Variants in QTGAL observed in about 807,000 individuals in gnomAD.
QTGAL encodes BGnT-like protein 1.
At chr17:83,024,250 C>A in the QTGAL span, among the ~76,000 whole-genome samples, 2 of 152,170 alleles carry the variant, frequency 1.3e-5, no homozygotes, top group African/African-American at 4.8e-5. Flanking sequence ...CCGGCCACAG[C>A]TCCTGGCCAG....
the QTGAL span, chr17:83,051,747 T>G: frequency 6.7e-7 from 1 of 1,497,320 alleles, no homozygotes; most frequent in Non-Finnish European, 8.8e-7. Flanking sequence ...CACGTGGGCC[T>G]GCATGGCCTG....
the QTGAL span, among the ~76,000 whole-genome samples, chr17:83,028,522 C>CA: frequency 0.067 from 3,432 of 51,576 alleles, 189 homozygotes; most frequent in African/African-American, 0.2. Flanking sequence ...GACTCCATCT[C>CA]AAAAAAAAAA....
the QTGAL span, among the ~76,000 whole-genome samples, chr17:83,043,082 G>A: frequency 2.8e-3 from 428 of 152,202 alleles, no homozygotes; most frequent in South Asian, 0.011. Context: ...CGTAACAGTC[G>A]GAGATTCAAC....
At chr17:82,983,181 G>A in the QTGAL span, among the ~76,000 whole-genome samples, 2 of 152,194 alleles carry the variant, frequency 1.3e-5, no homozygotes, top group Admixed American at 6.5e-5. Flanking sequence ...TCGGGAGGCT[G>A]GGGCAGGAGA....
chr17:82,954,621 GA>G, the QTGAL span, among the ~76,000 whole-genome samples: 3 of 152,120 alleles, frequency 2.0e-5, no homozygotes, highest in Non-Finnish European at 4.4e-5. Flanking sequence ...CACAGAACCA[GA>G]AAAAACTACT....
the QTGAL span, among the ~76,000 whole-genome samples, chr17:83,010,547 G>C: frequency 1.3e-5 from 2 of 152,264 alleles, no homozygotes; most frequent in Non-Finnish European, 2.9e-5. Flanking sequence ...TCACAGGGCT[G>C]GGGGCCGTGG....
the QTGAL span, among the ~76,000 whole-genome samples, chr17:82,975,163 G>A: frequency 1.0e-3 from 41 of 39,542 alleles, no homozygotes; most frequent in African/African-American, 5.7e-3. Flanking sequence ...TATGGGGAAC[G>A]AGGGCCCCGG....
At chr17:82,978,999 G>A in the QTGAL span, among the ~76,000 whole-genome samples, 3 of 152,162 alleles carry the variant, frequency 2.0e-5, no homozygotes, top group Non-Finnish European at 2.9e-5. The surrounding 1 kb of genome is among the most constrained non-coding windows in gnomAD (Gnocchi z 4.8). Flanking sequence ...GGAAGTTGCT[G>A]GCTCTACATG....
chr17:82,958,372 G>C, the QTGAL span, among the ~76,000 whole-genome samples: 1 of 152,250 alleles, frequency 6.6e-6, no homozygotes, highest in Non-Finnish European at 1.5e-5. Flanking sequence ...TGTCAAGGGA[G>C]CTGTGTCCGT....
At chr17:83,043,189 C>T in the QTGAL span, among the ~76,000 whole-genome samples, 5 of 152,170 alleles carry the variant, frequency 3.3e-5, no homozygotes, top group African/African-American at 1.2e-4. Flanking sequence ...CAGAAATATA[C>T]AGAATACTCC....
the QTGAL span, among the ~76,000 whole-genome samples, chr17:82,968,571 T>TGTGCACG: frequency 3.3e-5 from 5 of 152,188 alleles, no homozygotes; most frequent in Non-Finnish European, 7.4e-5. Flanking sequence ...CAGTCACCAG[T>TGTGCACG]GTGCACAGTG....
the QTGAL span, chr17:82,945,537 G>A: frequency 6.6e-6 from 1 of 152,244 alleles, no homozygotes; most frequent in Admixed American, 6.5e-5. Flanking sequence ...TAGCTGTCAA[G>A]TTGCTTGAAT....
chr17:83,014,527 A>G, the QTGAL span: 2 of 1,613,828 alleles, frequency 1.2e-6, no homozygotes, highest in African/African-American at 2.7e-5. Flanking sequence ...ATCCTGCAGT[A>G]AAGAACACAC....
At chr17:83,032,776 A>G in the QTGAL span, among the ~76,000 whole-genome samples, 4 of 152,214 alleles carry the variant, frequency 2.6e-5, no homozygotes, top group Admixed American at 2.6e-4. Context: ...AGAAGAAAAG[A>G]GAAGAAAGAG....
At chr17:82,971,497 C>T in the QTGAL span, among the ~76,000 whole-genome samples, 1 of 151,968 alleles carries the variant, frequency 6.6e-6, no homozygotes, top group Admixed American at 6.6e-5. Flanking sequence ...CTGGGGCCTC[C>T]GAGTGGGAAA....
the QTGAL span, among the ~76,000 whole-genome samples, chr17:82,960,867 C>T: frequency 8.5e-4 from 130 of 152,364 alleles, 1 homozygote; most frequent in African/African-American, 3.0e-3. Flanking sequence ...GGGAAATGCC[C>T]CTTCGTGGAC....
the QTGAL span, chr17:82,960,948 GC>G: frequency 7.0e-7 from 1 of 1,435,688 alleles, no homozygotes; most frequent in African/African-American, 1.4e-5. Flanking sequence ...TCAAGGCAGA[GC>G]CTGACCACAG....
At chr17:82,979,807 GT>G in the QTGAL span, among the ~76,000 whole-genome samples, 1 of 152,304 alleles carries the variant, frequency 6.6e-6, no homozygotes, top group Admixed American at 6.5e-5. Flanking sequence ...CCAAAAACAA[GT>G]TAGAGGAAAC....
chr17:83,002,960 CCGCAG>C, the QTGAL span, among the ~76,000 whole-genome samples: 1 of 19,278 alleles, frequency 5.2e-5, no homozygotes, highest in African/African-American at 2.1e-4. Context: ...CTCCCACTCT[CCGCAG>C]TCCGCGTGTG....
Sources: allele counts gnomAD v4.1 joint callset (sites outside exome capture counted in the v4.1 genomes callset), GRCh38; gene constraint gnomAD v4.1.1; non-coding constraint Gnocchi (gnomAD v3.1); transcripts MANE v1.5; gene names NCBI Gene and HGNC (gene_info 2026-07-23, HGNC 2026-07-21).